DOCK1: variants seen among roughly 807,000 people sequenced by gnomAD.
The protein encoded by DOCK1 is dedicator of cytokinesis 1, also known as dedicator of cytokinesis protein 1.
Under a neutral mutation model 262.7 loss-of-function variants are expected in DOCK1, and 138 were observed. The ratio of observed to expected loss-of-function variants is 0.53; its 90% CI spans 0.46 to 0.61. The LOEUF (loss-of-function observed/expected upper bound fraction) is 0.61. Among genes scored for constraint, DOCK1 ranks in the 20% least tolerant of loss-of-function variants. The pLI is 0.00. For synonymous variants in DOCK1, 866 were observed against 867.4 expected, an observed-to-expected ratio of 1.00 and a Z score of 0.03; for missense variants, 1,908 against 2,370.7, an observed-to-expected ratio of 0.80 and a Z score of 4.05.
chr10:127,115,924 CA>C (rs1426557640), intron 25 of DOCK1, among the ~76,000 whole-genome samples: 1 of 152,186 alleles, frequency 6.6e-6, no homozygotes, highest in Non-Finnish European at 1.5e-5. Flanking sequence ...GTGGCCAAAG[CA>C]GTGGACAGGT....
At position 127,410,929 on chromosome 10, in the gene DOCK1, AAAAC is replaced by A. The variant is rs749990517; in HGVS notation, c.4428+14_4428+17del. 62 of 1,612,150 alleles carry A rather than the reference AAAAC, an allele frequency of 3.8e-5. No homozygotes were observed. Among genetic ancestry groups the A allele is most frequent in the Middle Eastern group, 3.3e-4 (2 of 6,082 alleles). Reference sequence around the variant, plus strand: ...AACCCAGACAATGAATTTGCGGTAAAAAACAAACAAACCACCAAACCAAACAACA... The same window carrying A: ...AACCCAGACAATGAATTTGCGGTAAAAAACAAACCACCAAACCAAACAACA... On this transcript the variant is annotated splice_donor_region_variant and intron_variant, in intron 43 of 51. Transcript: ENST00000623213.
intron 1 of DOCK1, among the ~76,000 whole-genome samples, chr10:126,950,366 G>T (rs1281027691): frequency 6.6e-6 from 1 of 152,056 alleles, no homozygotes; most frequent in Non-Finnish European, 1.5e-5. Flanking sequence ...TGGAGGTCTG[G>T]TCTGTGCTTG....
At chr10:127,293,049 A>G (rs1016156857) in intron 29 of DOCK1, among the ~76,000 whole-genome samples, 27 of 152,214 alleles carry the variant, frequency 1.8e-4, no homozygotes, top group African/African-American at 6.5e-4. Flanking sequence ...TCAGCAAGGC[A>G]AAGAGAAAGG....
chr10:126,948,616 G>A (rs1204753981), intron 1 of DOCK1, among the ~76,000 whole-genome samples: 2 of 151,942 alleles, frequency 1.3e-5, no homozygotes, highest in African/African-American at 4.8e-5. Flanking sequence ...CACAGATGGA[G>A]AAGGAAAGTT....
At chr10:127,291,921 C>T (rs1436935978) in intron 29 of DOCK1, among the ~76,000 whole-genome samples, 2 of 152,204 alleles carry the variant, frequency 1.3e-5, no homozygotes, top group African/African-American at 4.8e-5. Context: ...TCCCTCCGTC[C>T]TTCACAGAGT....
At chr10:127,253,016 G>T (rs963161156) in intron 28 of DOCK1, among the ~76,000 whole-genome samples, 5 of 152,110 alleles carry the variant, frequency 3.3e-5, no homozygotes, top group African/African-American at 1.2e-4. Flanking sequence ...AGCATATAGA[G>T]CACAAGCGGA....
chr10:126,950,361 G>A (rs1209558467), intron 1 of DOCK1, among the ~76,000 whole-genome samples: 2 of 152,048 alleles, frequency 1.3e-5, no homozygotes, highest in African/African-American at 4.8e-5. Context: ...ATGATTGGAG[G>A]TCTGGTCTGT....
intron 29 of DOCK1, among the ~76,000 whole-genome samples, chr10:127,298,405 A>ATT: frequency 6.6e-6 from 1 of 152,212 alleles, no homozygotes; most frequent in Non-Finnish European, 1.5e-5. Flanking sequence ...CCATTAACTG[A>ATT]AATGAAATCT....
intron 29 of DOCK1, among the ~76,000 whole-genome samples, chr10:127,278,126 T>C (rs2060812374): frequency 6.6e-6 from 1 of 152,144 alleles, no homozygotes; most frequent in Non-Finnish European, 1.5e-5. Context: ...ATGCTGTCCT[T>C]GTTAGGTGGA....
intron 27 of DOCK1, among the ~76,000 whole-genome samples, chr10:127,205,947 T>C (rs1006244551): frequency 6.6e-6 from 1 of 152,234 alleles, no homozygotes; most frequent in African/African-American, 2.4e-5. Context: ...TTAAGCAAAC[T>C]CTTTACATGC....
intron 27 of DOCK1, among the ~76,000 whole-genome samples, chr10:127,211,171 G>T (rs1431485956): frequency 1.3e-5 from 2 of 152,186 alleles, no homozygotes; most frequent in Non-Finnish European, 2.9e-5. Context: ...CCTTAGCTGG[G>T]CTGCTGAGTC....
At position 127,175,203 on chromosome 10, in the gene DOCK1, C is replaced by T. The variant is rs2133887986; in HGVS notation, c.2847+47439C>T. On this transcript the variant is annotated intron_variant, in intron 27 of 51. Coordinates refer to ENST00000623213, the MANE Select transcript of DOCK1 (RefSeq NM_001290223.2). This position sits in a 1 kb window ranked among gnomAD's most constrained non-coding sequence, Gnocchi z 6.3. ...CATAGCTTCCTAAGACATGGGTGAA[C>T]ATACATACCCTTCCCGATGGGCCTC... is the stretch of plus-strand genomic sequence containing the variant. 6 of 1,601,556 alleles carry T rather than the reference C, an allele frequency of 3.7e-6. No homozygotes were observed. Among genetic ancestry groups the T allele is most frequent in the African/African-American group, 1.3e-5 (1 of 74,804 alleles).
chr10:127,203,901 T>A (rs901504251), intron 27 of DOCK1, among the ~76,000 whole-genome samples: 3 of 137,364 alleles, frequency 2.2e-5, no homozygotes, highest in East Asian at 2.0e-4. Flanking sequence ...CAATTTTGAT[T>A]TTTTTTTTTT....
At chr10:126,948,752 G>A (rs1030159642) in intron 1 of DOCK1, among the ~76,000 whole-genome samples, 1 of 152,066 alleles carries the variant, frequency 6.6e-6, no homozygotes, top group African/African-American at 2.4e-5. Context: ...TGGATCCCAA[G>A]CTTCCCCTCC....
intron 23 of DOCK1, among the ~76,000 whole-genome samples, chr10:127,086,180 A>G (rs35147388): frequency 0.19 from 22,511 of 121,434 alleles, 2,079 homozygotes; most frequent in African/African-American, 0.3. Flanking sequence ...CTGCTGTTGG[A>G]TGAAACTGCT....
At position 127,032,327 on chromosome 10, in the gene DOCK1, T is replaced by C. The variant is rs1266071810; in HGVS notation, c.1912+7T>C. The C allele has an allele frequency of 6.6e-7, 1 of 1,518,490 alleles. No homozygotes were observed. The highest frequency in any genetic ancestry group is 2.4e-5 in the East Asian group (1 of 42,264). The allele number at this position is 1,518,490 out of a possible 1,614,324, so 94.1% of individuals were successfully genotyped here. On this transcript the variant is annotated splice_region_variant and intron_variant, in intron 18 of 51. Coordinates refer to ENST00000623213, the MANE Select transcript of DOCK1 (RefSeq NM_001290223.2). ...ACCAAACTGACTCAGAACGGTGCGT[T>C]CGAGAGGAGAAACACACTCACCCCA...
chr10:127,040,894 G>A (rs955528335), intron 19 of DOCK1, among the ~76,000 whole-genome samples: 1 of 151,982 alleles, frequency 6.6e-6, no homozygotes, highest in African/African-American at 2.4e-5. Flanking sequence ...CATCCCAAAA[G>A]AAACCACATA....
intron 29 of DOCK1, among the ~76,000 whole-genome samples, chr10:127,259,787 T>TG (rs1564942589): frequency 1.2e-5 from 1 of 80,948 alleles, no homozygotes; most frequent in African/African-American, 4.3e-5. Context: ...ACTTAGTTCA[T>TG]GATTTTTTTT....
intron 33 of DOCK1, among the ~76,000 whole-genome samples, chr10:127,366,882 A>T (rs1023900258): frequency 6.6e-6 from 1 of 152,070 alleles, no homozygotes; most frequent in Non-Finnish European, 1.5e-5. Flanking sequence ...TGCAAACCCT[A>T]CTGGAGTAGG....
Sources: allele counts gnomAD v4.1 joint callset (sites outside exome capture counted in the v4.1 genomes callset), GRCh38; gene constraint gnomAD v4.1.1; non-coding constraint Gnocchi (gnomAD v3.1); transcripts MANE v1.5; gene names NCBI Gene and HGNC (gene_info 2026-07-23, HGNC 2026-07-21).